MAGI1: variants seen among roughly 807,000 people sequenced by gnomAD.
MAGI1 encodes the protein membrane associated guanylate kinase, WW and PDZ domain containing 1.
Under a neutral mutation model 139.9 loss-of-function variants are expected in MAGI1, and 58 were observed. The observed-to-expected ratio is 0.41, with a 90% confidence interval of 0.34 to 0.52. The LOEUF (loss-of-function observed/expected upper bound fraction) is 0.52. MAGI1 is among the 20% of genes least tolerant of loss of function. MAGI1 has a pLI of 0.12. For missense variants in MAGI1, 1,874 were observed against 1,901.6 expected, an observed-to-expected ratio of 0.99 and a Z score of 0.27; for synonymous variants, 812 against 737.9, an observed-to-expected ratio of 1.10 and a Z score of -1.63.
Position 65,632,017 on chromosome 3 carries a change from T to C in MAGI1, c.314-9929A>G, listed in dbSNP as rs1387178987. Reference sequence around the variant, plus strand: ...TCCAGCCGGGGCAACAGAATGAGACTCCGTCTCAAAAAAAAAAAAACAGAT... The same window carrying C: ...TCCAGCCGGGGCAACAGAATGAGACCCCGTCTCAAAAAAAAAAAAACAGAT... On this transcript the variant is annotated intron_variant, in intron 1 of 22. Coordinates refer to ENST00000402939, the MANE Select transcript of MAGI1 (RefSeq NM_001033057.2). Among the ~76,000 whole-genome samples, 3 of 139,522 alleles carry C rather than the reference T, an allele frequency of 2.2e-5. No homozygotes were observed. The East Asian group carries it at 8.3e-4, about 38-fold the overall frequency. 91.5% of individuals were successfully genotyped at this position (139,522 alleles called of 152,430 possible).
chr3:65,789,174 A>C (rs1028131575), intron 1 of MAGI1, among the ~76,000 whole-genome samples: 1 of 152,080 alleles, frequency 6.6e-6, no homozygotes, highest in African/African-American at 2.4e-5. Context: ...GTAAAACTCT[A>C]TCTCTAAAAA....
chr3:65,581,177 C>A (rs1422274308), intron 2 of MAGI1, among the ~76,000 whole-genome samples: 1 of 152,148 alleles, frequency 6.6e-6, no homozygotes, highest in Non-Finnish European at 1.5e-5. Flanking sequence ...GAGAGGCACA[C>A]TCTATATCCA....
intron 1 of MAGI1, among the ~76,000 whole-genome samples, chr3:65,639,809 C>G (rs202133300): frequency 6.6e-6 from 1 of 152,054 alleles, no homozygotes; most frequent in East Asian, 1.9e-4. Flanking sequence ...TCAAGACCAG[C>G]CTGACCAACA....
chr3:65,942,074 A>G (rs1029940755), intron 1 of MAGI1, among the ~76,000 whole-genome samples: 2 of 152,220 alleles, frequency 1.3e-5, no homozygotes, highest in Non-Finnish European at 1.5e-5. Context: ...GGCGTGAGCC[A>G]CCATACCCAG....
At chr3:65,547,228 G>T (rs1371964344) in intron 2 of MAGI1, among the ~76,000 whole-genome samples, 1 of 152,182 alleles carries the variant, frequency 6.6e-6, no homozygotes, top group Non-Finnish European at 1.5e-5. Context: ...TAGGAAAGCT[G>T]ACTCTTACAG....
intron 1 of MAGI1, among the ~76,000 whole-genome samples, chr3:65,991,193 G>A (rs1462800460): frequency 6.7e-6 from 1 of 149,762 alleles, no homozygotes. Flanking sequence ...GGAAGCTGAG[G>A]CAGGAGAATT....
At chr3:65,918,046 C>A (rs2643728) in intron 1 of MAGI1, among the ~76,000 whole-genome samples, 114,300 of 152,102 alleles carry the variant, frequency 0.75, 44,206 homozygotes, top group East Asian at 0.99. Context: ...CATAGGAAAT[C>A]TTTGTACCTT....
intron 1 of MAGI1, among the ~76,000 whole-genome samples, chr3:65,936,032 T>C (rs2063034341): frequency 1.3e-5 from 2 of 152,202 alleles, no homozygotes; most frequent in Admixed American, 6.5e-5. Context: ...TCATTGGTTT[T>C]CTTTAAAGCT....
chr3:65,753,689 C>G (rs766575918), intron 1 of MAGI1, among the ~76,000 whole-genome samples: 1 of 136,820 alleles, frequency 7.3e-6, no homozygotes, highest in Non-Finnish European at 1.5e-5. Context: ...CCACCACAAA[C>G]TCCATCTCAA....
At chr3:65,602,064 C>T (rs922951207) in intron 2 of MAGI1, among the ~76,000 whole-genome samples, 4 of 152,058 alleles carry the variant, frequency 2.6e-5, no homozygotes, top group African/African-American at 9.7e-5. Context: ...TGGCTATAAT[C>T]AAAAGGACAA....
At chr3:65,744,224 C>T (rs977617925) in intron 1 of MAGI1, among the ~76,000 whole-genome samples, 5 of 152,126 alleles carry the variant, frequency 3.3e-5, no homozygotes, top group Non-Finnish European at 7.4e-5. Flanking sequence ...GAACTAAATG[C>T]CCCATATCAG....
In MAGI1 at chr3:65,353,655, A is replaced by G. The variant is rs1352932833; in HGVS notation, c.*2723T>C. 3 of 152,182 alleles carry G rather than the reference A, an allele frequency of 2.0e-5. No homozygotes were observed. The highest frequency in any genetic ancestry group is 4.4e-5 in the Non-Finnish European group (3 of 68,040). 9.4% of individuals were successfully genotyped at this position (152,182 alleles called of 1,614,324 possible). A position where few individuals can be genotyped will look rare whatever the true frequency, so the allele number is the denominator to read the frequency against. ...CCCCCCAACATTCTTTCAGGCATCA[A>G]CTGTGTAACGGAGGGAGACAAATTC... On this transcript the variant is annotated 3_prime_UTR_variant, in exon 23 of 23. Transcript: ENST00000402939.
intron 1 of MAGI1, among the ~76,000 whole-genome samples, chr3:65,981,220 C>T (rs943205599): frequency 2.0e-5 from 3 of 151,600 alleles, no homozygotes; most frequent in African/African-American, 7.3e-5. Flanking sequence ...ACATTTATTT[C>T]AAGAGCTCCG....
intron 1 of MAGI1, among the ~76,000 whole-genome samples, chr3:65,797,424 G>A (rs1193826219): frequency 6.6e-6 from 1 of 152,148 alleles, no homozygotes; most frequent in Non-Finnish European, 1.5e-5. Flanking sequence ...AAAATGAGAA[G>A]AAAGAAAACA....
intron 1 of MAGI1, among the ~76,000 whole-genome samples, chr3:65,684,167 C>CAAAAAAAA (rs1163089641): frequency 2.5e-5 from 2 of 79,406 alleles, no homozygotes; most frequent in Admixed American, 1.5e-4. Flanking sequence ...GAGACTGTCT[C>CAAAAAAAA]AAAAAAAAAA....
chr3:65,397,772 T>C (rs896216959), intron 13 of MAGI1, among the ~76,000 whole-genome samples: 6 of 152,196 alleles, frequency 3.9e-5, no homozygotes, highest in African/African-American at 1.4e-4. Flanking sequence ...TGTGCGTACT[T>C]GCTTCCATGT....
chr3:65,754,928 T>A (rs968774826), intron 1 of MAGI1, among the ~76,000 whole-genome samples: 4 of 151,876 alleles, frequency 2.6e-5, no homozygotes, highest in African/African-American at 9.7e-5. Context: ...ACACCACAAA[T>A]AGTATATTTA....
At chr3:65,769,443 C>T (rs778526826) in intron 1 of MAGI1, among the ~76,000 whole-genome samples, 7 of 151,868 alleles carry the variant, frequency 4.6e-5, no homozygotes, top group African/African-American at 1.2e-4. Flanking sequence ...AAGCTATGAT[C>T]GCACCACTGC....
At chr3:65,650,802 C>CGA (rs1203316491) in intron 1 of MAGI1, among the ~76,000 whole-genome samples, 29 of 152,096 alleles carry the variant, frequency 1.9e-4, no homozygotes, top group African/African-American at 7.0e-4. Flanking sequence ...GCAGTGCTCC[C>CGA]AGGTGATAAG....
Sources: gnomAD v4.1 joint callset for allele counts (sites outside exome capture counted in the v4.1 genomes callset) on GRCh38, gnomAD v4.1.1 for gene constraint, MANE v1.5 for transcripts, NCBI Gene and HGNC (gene_info 2026-07-23, HGNC 2026-07-21) for gene names.